RRBP1: variants seen among roughly 807,000 people sequenced by gnomAD.
The protein encoded by RRBP1 is ribosome-binding protein 1.
RRBP1 carries 94 observed loss-of-function variants against 165.2 expected under a neutral mutation model. The ratio of observed to expected loss-of-function variants is 0.57; its 90% CI spans 0.48 to 0.68. The LOEUF (loss-of-function observed/expected upper bound fraction) is 0.68, where lower values mean the gene tolerates loss of function less well. RRBP1 is among the 30% of genes least tolerant of loss of function. RRBP1 has a pLI of 0.00. For missense variants in RRBP1, 1,676 were observed against 1,763.0 expected (o/e 0.95, Z 0.88); for synonymous variants, 680 against 714.5 (o/e 0.95, Z 0.77).
chr20:17,681,786 G>C (rs1439593340), intron 1 of RRBP1, among the ~76,000 whole-genome samples: 1 of 150,670 alleles, frequency 6.6e-6, no homozygotes, highest in East Asian at 2.0e-4. Flanking sequence ...CGAGGGCCGC[G>C]GGGTCCACAC....
Position 17,624,610 on chromosome 20 carries a change from C to T in RRBP1, c.3113G>A (p.Cys1038Tyr). The part of the protein sequence containing the change: ...MEALATAEQA[C>Y]KEKLLSLTQA... ...GGTCAGGGAGAGCAGCTTCTCCTTG[C>T]AGGCCTGCTCGGCCGTGGCCAGTGC... Residue 1038 changes from cysteine to tyrosine, a missense_variant, in exon 13 of 25, where the codon TGC becomes TAC. Cys to Tyr is a radical substitution (Grantham distance 194, BLOSUM62 -2). Transcript: ENST00000377813. 1 of 1,593,288 alleles carries T rather than the reference C, an allele frequency of 6.3e-7. No homozygotes were observed. The highest frequency in any genetic ancestry group is 8.5e-7 in the Non-Finnish European group (1 of 1,170,336).
At chr20:17,677,864 G>GA (rs1188946891) in intron 2 of RRBP1, among the ~76,000 whole-genome samples, 2 of 151,862 alleles carry the variant, frequency 1.3e-5, no homozygotes, top group Admixed American at 6.6e-5. Context: ...AAAAGAAAAA[G>GA]AAAAAAAAGT....
chr20:17,626,101 C>G (rs965529248), intron 11 of RRBP1, among the ~76,000 whole-genome samples: 4 of 152,224 alleles, frequency 2.6e-5, no homozygotes, highest in African/African-American at 9.6e-5. Context: ...TCGCTCCTCT[C>G]TACTCCAGAG....
chr20:17,645,118 T>G (rs2036440049), intron 3 of RRBP1, among the ~76,000 whole-genome samples: 1 of 152,158 alleles, frequency 6.6e-6, no homozygotes, highest in Non-Finnish European at 1.5e-5. Flanking sequence ...TCTCTTGAAC[T>G]CTCTCCTTAA....
chr20:17,646,749 A>G (rs2036469885), intron 3 of RRBP1, among the ~76,000 whole-genome samples: 1 of 152,166 alleles, frequency 6.6e-6, no homozygotes, highest in Admixed American at 6.5e-5. Context: ...AATTAAACTC[A>G]TCTGGCAAAG....
Position 17,676,106 on chromosome 20 carries a change from G to A in RRBP1, c.-22+3893C>T, listed in dbSNP as rs117834831. Among the ~76,000 whole-genome samples the A allele has an allele frequency of 4.1e-3, 628 of 152,350 alleles. 2 individuals are homozygous for A. Among genetic ancestry groups the A allele is most frequent in the Non-Finnish European group, 7.3e-3 (497 of 68,038 alleles). On this transcript the variant is annotated intron_variant, in intron 2 of 24. Coordinates refer to ENST00000377813, the MANE Select transcript of RRBP1 (RefSeq NM_001365613.2). ...CACTTGTGGTACCAGCTACCCAGGA[G>A]GCTGAGGCAGGAGGATTAACTGAGC... is the stretch of plus-strand genomic sequence containing the variant.
chr20:17,643,857 A>AC lies in RRBP1; in HGVS notation c.1913-731dup, dbSNP rs940832890. ...CTTCTGAAAAACTAAAACTGCCGAC[A>AC]CCCCCCACGCCCCTCCCCACACACA... On this transcript the variant is annotated intron_variant, in intron 3 of 24. Coordinates refer to ENST00000377813, the MANE Select transcript of RRBP1 (RefSeq NM_001365613.2). This position sits in a 1 kb window ranked among gnomAD's most constrained non-coding sequence, Gnocchi z 4.3. 2.6e-5 allele frequency among the ~76,000 whole-genome samples: 4 copies of AC among 151,830 alleles called. No homozygotes were observed. The highest frequency in any genetic ancestry group is 2.0e-4 in the Admixed American group (3 of 15,228).
Position 17,648,159 on chromosome 20 carries a change from C to T in RRBP1, c.1913-5032G>A, listed in dbSNP as rs531325883. On this transcript the variant is annotated intron_variant, in intron 3 of 24. Transcript: ENST00000377813. Reference sequence around the variant, plus strand: ...GCCGGCTCCCTTCAGGGTCCCACCCCGAGGTGGGACGCAAGACGCTCTCTA... The same window carrying T: ...GCCGGCTCCCTTCAGGGTCCCACCCTGAGGTGGGACGCAAGACGCTCTCTA... 2.0e-5 allele frequency among the ~76,000 whole-genome samples: 3 copies of T among 152,206 alleles called. No individual in the cohort carries two copies. The South Asian group carries it at 6.2e-4, about 31-fold the overall frequency.
intron 2 of RRBP1, among the ~76,000 whole-genome samples, chr20:17,670,898 T>C (rs1000648846): frequency 6.6e-6 from 1 of 152,238 alleles, no homozygotes; most frequent in African/African-American, 2.4e-5. Flanking sequence ...AGTCATTAGC[T>C]TTTCAAGTAC....
intron 5 of RRBP1, chr20:17,641,366 C>T (rs2036354595): frequency 5.6e-6 from 1 of 179,616 alleles, no homozygotes; most frequent in South Asian, 1.1e-4. Flanking sequence ...CCTCCAGTCC[C>T]CTCCCCACAA....
At chr20:17,614,901 G>C (rs770030744) in intron 23 of RRBP1, 21 bp from the exon 24 acceptor site, 2 of 1,611,146 alleles carry the variant, frequency 1.2e-6, no homozygotes, top group Non-Finnish European at 1.7e-6. Flanking sequence ...GAAGGTTGAC[G>C]GGCATCAGCC....
intron 9 of RRBP1, among the ~76,000 whole-genome samples, chr20:17,628,198 C>G (rs1012753209): frequency 6.6e-6 from 1 of 152,140 alleles, no homozygotes; most frequent in Non-Finnish European, 1.5e-5. Flanking sequence ...CTCAGACAGT[C>G]CCATGGGTCT....
At chr20:17,674,364 A>C (rs1011912883) in intron 2 of RRBP1, among the ~76,000 whole-genome samples, 5 of 152,214 alleles carry the variant, frequency 3.3e-5, no homozygotes, top group Non-Finnish European at 7.3e-5. Context: ...TCCTCTGAGA[A>C]AAGAACATCA....
At chr20:17,615,642 AC>A (rs1199618465) in intron 22 of RRBP1, 113 bp from the exon 23 acceptor site, 1 of 737,088 alleles carries the variant, frequency 1.4e-6, no homozygotes, top group African/African-American at 1.8e-5. Context: ...TGATGGAGCA[AC>A]AGCTCCATCC....
At position 17,616,001 on chromosome 20, in the gene RRBP1, C is replaced by T. The variant is rs1276603157; in HGVS notation, c.3876G>A (p.Thr1292=). ...PAEQDPVQLK[T]QLEWTEAILE... ...GGATGGCTTCTGTCCACTCCAGCTG[C>T]GTCTTCAGCTGTGCAAACACCGCAA... Residue 1292 remains threonine (T), a synonymous_variant, in exon 22 of 25, where the codon ACG becomes ACA. Coordinates refer to ENST00000377813, the MANE Select transcript of RRBP1 (RefSeq NM_001365613.2). The T allele has an allele frequency of 1.1e-5, 18 of 1,605,972 alleles. No homozygotes were observed. The highest frequency in any genetic ancestry group is 2.2e-5 in the South Asian group (2 of 90,980).
Position 17,664,188 on chromosome 20 carries a change from C to T in RRBP1, c.-21-3660G>A, listed in dbSNP as rs76881966. On this transcript the variant is annotated intron_variant, in intron 2 of 24. Transcript: ENST00000377813. Reference sequence around the variant, plus strand: ...GTAAAGTAAGGGTGACTCAAACACACGCACTGTGATACCAGACAGTGGATC... The same window carrying T: ...GTAAAGTAAGGGTGACTCAAACACATGCACTGTGATACCAGACAGTGGATC... Among the ~76,000 whole-genome samples, 211 of 152,306 alleles carry T rather than the reference C, an allele frequency of 1.4e-3. 1 individual carries two copies. The highest frequency in any genetic ancestry group is 4.7e-3 in the African/African-American group (196 of 41,574).
intron 3 of RRBP1, among the ~76,000 whole-genome samples, chr20:17,654,045 A>G (rs936631932): frequency 6.6e-6 from 1 of 152,216 alleles, no homozygotes; most frequent in African/African-American, 2.4e-5. Flanking sequence ...GATAATGGCC[A>G]TGCAGGGTCT....
At position 17,621,455 on chromosome 20, in the gene RRBP1, C is replaced by T; in HGVS notation, c.3414+3G>A. 1 of 1,610,064 alleles carries T rather than the reference C, an allele frequency of 6.2e-7. No homozygotes were observed. The highest frequency in any genetic ancestry group is 8.5e-7 in the Non-Finnish European group (1 of 1,178,660). On this transcript the variant is annotated splice_donor_region_variant and intron_variant, in intron 16 of 24. Coordinates refer to ENST00000377813, the MANE Select transcript of RRBP1 (RefSeq NM_001365613.2). The stretch of plus-strand genomic sequence containing the variant: ...GCCCAGCTGACAGGTTCCCAATGCT[C>T]ACCGTCTCCGCCAGGATGCTGCGGT...
chr20:17,672,140 G>A (rs1035954337), intron 2 of RRBP1, among the ~76,000 whole-genome samples: 2 of 152,200 alleles, frequency 1.3e-5, no homozygotes, highest in Non-Finnish European at 2.9e-5. Flanking sequence ...GAGGTGGGCA[G>A]AGCTTCTAAT....
Sources: allele counts gnomAD v4.1 joint callset (sites outside exome capture counted in the v4.1 genomes callset), GRCh38; gene constraint gnomAD v4.1.1; non-coding constraint Gnocchi (gnomAD v3.1); transcripts MANE v1.5; gene names NCBI Gene and HGNC (gene_info 2026-07-23, HGNC 2026-07-21).